Variants in KCNJ6 observed in about 807,000 individuals in gnomAD.
KCNJ6 encodes the protein G protein-activated inward rectifier potassium channel 2.
A neutral mutation model predicts 34.2 loss-of-function variants in KCNJ6; 9 were observed. The observed-to-expected ratio is 0.26, with a 90% CI of 0.16 to 0.46. The LOEUF (loss-of-function observed/expected upper bound fraction) is 0.46, where lower values mean the gene tolerates loss of function less well. Among genes scored for constraint, KCNJ6 ranks in the 20% least tolerant of loss-of-function variants. The pLI, the probability that KCNJ6 is intolerant of heterozygous loss-of-function variation, is 1.00. For synonymous variants in KCNJ6, 196 were observed against 207.1 expected (o/e 0.95, Z 0.46); for missense variants, 236 against 531.3 (o/e 0.44, Z 5.46).
At chr21:37,911,053 C>T (rs764208862) in intron 1 of KCNJ6, among the ~76,000 whole-genome samples, 9 of 150,892 alleles carry the variant, frequency 6.0e-5, no homozygotes, top group Admixed American at 1.3e-4. Context: ...ATGATGAGAC[C>T]GCTCTTTGAG....
intron 2 of KCNJ6, among the ~76,000 whole-genome samples, chr21:37,802,843 GT>G (rs1347183926): frequency 1.3e-5 from 2 of 152,184 alleles, no homozygotes. Context: ...AAACACATCA[GT>G]GGGGAGCAGA....
intron 2 of KCNJ6, among the ~76,000 whole-genome samples, chr21:37,763,490 C>G (rs1031337478): frequency 2.0e-5 from 3 of 152,164 alleles, no homozygotes; most frequent in Non-Finnish European, 4.4e-5. Context: ...GCAGGTGGCT[C>G]TGTGTGTCAT....
intron 2 of KCNJ6, among the ~76,000 whole-genome samples, chr21:37,809,760 T>C (rs750936838): frequency 6.6e-6 from 1 of 152,182 alleles, no homozygotes; most frequent in African/African-American, 2.4e-5. Context: ...GACATGAGCA[T>C]GGTATGTGTG....
Position 37,850,286 on chromosome 21 carries a change from G to T in KCNJ6, c.-27-9577C>A, listed in dbSNP as rs895897218. ...CTGGTTAGTTACTCTGACATATAAG[G>T]GATACTTAGAACAGGGGTCCCCAAA... On this transcript the variant is annotated intron_variant, in intron 1 of 3. Coordinates refer to ENST00000609713, the MANE Select transcript of KCNJ6 (RefSeq NM_002240.5). Among the ~76,000 whole-genome samples the T allele has an allele frequency of 4.6e-5, 7 of 152,046 alleles. No individual in the cohort carries two copies. In the South Asian group the frequency reaches 1.5e-3, roughly 32 times the overall value.
At chr21:37,633,143 A>G (rs2054341305) in intron 3 of KCNJ6, among the ~76,000 whole-genome samples, 1 of 152,172 alleles carries the variant, frequency 6.6e-6, no homozygotes, top group African/African-American at 2.4e-5. Flanking sequence ...AGACACCATG[A>G]TCAAGTTGGG....
intron 2 of KCNJ6, among the ~76,000 whole-genome samples, chr21:37,819,005 AG>A (rs2055361326): frequency 1.3e-5 from 2 of 152,226 alleles, no homozygotes; most frequent in Non-Finnish European, 2.9e-5. Flanking sequence ...TATTTTCCAC[AG>A]GTATATTACT....
At chr21:37,879,461 G>T (rs1385148421) in intron 1 of KCNJ6, among the ~76,000 whole-genome samples, 1 of 152,110 alleles carries the variant, frequency 6.6e-6, no homozygotes, top group Non-Finnish European at 1.5e-5. Flanking sequence ...TGGTAAGGGG[G>T]TTGGCTATGA....
chr21:37,880,822 C>A (rs1378961937), intron 1 of KCNJ6, among the ~76,000 whole-genome samples: 1 of 152,216 alleles, frequency 6.6e-6, no homozygotes, highest in African/African-American at 2.4e-5. Flanking sequence ...GACCTATTGA[C>A]AACTCACGAA....
intron 2 of KCNJ6, among the ~76,000 whole-genome samples, chr21:37,755,399 C>G (rs1312473061): frequency 6.6e-6 from 1 of 152,170 alleles, no homozygotes; most frequent in Non-Finnish European, 1.5e-5. Flanking sequence ...CTGAGACTTT[C>G]TTTGTTATCC....
At chr21:37,742,613 A>C (rs944564662) in intron 2 of KCNJ6, among the ~76,000 whole-genome samples, 1 of 152,198 alleles carries the variant, frequency 6.6e-6, no homozygotes, top group South Asian at 2.1e-4. Context: ...ACATTCATAC[A>C]TGAGTGGCCA....
intron 2 of KCNJ6, among the ~76,000 whole-genome samples, chr21:37,778,564 A>T (rs1346694932): frequency 6.6e-6 from 1 of 152,154 alleles, no homozygotes; most frequent in East Asian, 1.9e-4. Context: ...CTTACTTTTG[A>T]ATTGACATCA....
chr21:37,638,836 G>T lies in KCNJ6; in HGVS notation c.947-13352C>A, dbSNP rs115691945. ...CTTCAAATTCTCCCATTCTATATTTGTATCTTCCTCCTCCAACAGTAAGAA... is the reference window on the plus strand; with the variant it reads ...CTTCAAATTCTCCCATTCTATATTTTTATCTTCCTCCTCCAACAGTAAGAA... On this transcript the variant is annotated intron_variant, in intron 3 of 3. Transcript: ENST00000609713. Among the ~76,000 whole-genome samples, 1,052 of 152,242 alleles carry T rather than the reference G, an allele frequency of 6.9e-3. 14 individuals are homozygous for T. Among genetic ancestry groups the T allele is most frequent in the African/African-American group, 0.024 (996 of 41,524 alleles).
intron 2 of KCNJ6, among the ~76,000 whole-genome samples, chr21:37,756,628 C>T (rs866717182): frequency 3.4e-3 from 248 of 72,256 alleles, no homozygotes; most frequent in East Asian, 7.5e-3. Context: ...GATTCCAGCC[C>T]AGAGTGAGCA....
At chr21:37,858,012 G>T (rs1440190866) in intron 1 of KCNJ6, among the ~76,000 whole-genome samples, 1 of 152,078 alleles carries the variant, frequency 6.6e-6, no homozygotes, top group Non-Finnish European at 1.5e-5. Context: ...ATGGAAGACA[G>T]AAAAAGATGA....
At chr21:37,772,762 T>C (rs1352272649) in intron 2 of KCNJ6, among the ~76,000 whole-genome samples, 1 of 152,238 alleles carries the variant, frequency 6.6e-6, no homozygotes, top group Non-Finnish European at 1.5e-5. Flanking sequence ...CTAAACATTT[T>C]TATTCTTCAC....
intron 1 of KCNJ6, among the ~76,000 whole-genome samples, chr21:37,908,988 T>C (rs973004131): frequency 1.3e-5 from 2 of 152,220 alleles, no homozygotes; most frequent in African/African-American, 4.8e-5. Flanking sequence ...GGTATGACCA[T>C]AGAATATGAA....
intron 1 of KCNJ6, among the ~76,000 whole-genome samples, chr21:37,860,709 AC>A (rs530404163): frequency 6.6e-6 from 1 of 150,656 alleles, no homozygotes; most frequent in African/African-American, 2.4e-5. Context: ...CTCTCCCACT[AC>A]CCCCCTGGAG....
chr21:37,685,680 C>CAA lies in KCNJ6; in HGVS notation c.946+28530_946+28531insTT, dbSNP rs371388696. ...TGGGCGACAGAGTGAGACTCTGTCT[C>CAA]CAAAAAAAAAAAAAAAAAAAAAAAA... On this transcript the variant is annotated intron_variant, in intron 3 of 3. Coordinates refer to ENST00000609713, the MANE Select transcript of KCNJ6 (RefSeq NM_002240.5). 9.5e-3 allele frequency among the ~76,000 whole-genome samples: 166 copies of CAA among 17,398 alleles called. 8 individuals carry two copies. Among genetic ancestry groups the CAA allele is most frequent in the Middle Eastern group, 0.083 (2 of 24 alleles). 11.4% of individuals were successfully genotyped at this position (17,398 alleles called of 152,430 possible). A position where few individuals can be genotyped will look rare whatever the true frequency, so the allele number is the denominator to read the frequency against.
chr21:37,914,993 A>G lies in KCNJ6; in HGVS notation c.-28+891T>C, dbSNP rs148164982. On this transcript the variant is annotated intron_variant, in intron 1 of 3. Transcript: ENST00000609713. ...GAAAATTCTGGTATTTTGTTTCTCC[A>G]CTAACCTCACCCTCTGTGGCTGTTT... Among the ~76,000 whole-genome samples, 9 of 150,010 alleles carry G rather than the reference A, an allele frequency of 6.0e-5. No individual in the cohort carries two copies. In the East Asian group the frequency reaches 1.8e-3, roughly 29 times the overall value.
Sources: gnomAD v4.1 joint callset for allele counts (sites outside exome capture counted in the v4.1 genomes callset) on GRCh38, gnomAD v4.1.1 for gene constraint, MANE v1.5 for transcripts, NCBI Gene and HGNC (gene_info 2026-07-23, HGNC 2026-07-21) for gene names.